Variants in ZNF25 observed in about 807,000 individuals in gnomAD.
ZNF25 encodes the protein zinc finger protein 25.
ZNF25 carries 21 observed loss-of-function variants against 30.9 expected under a neutral mutation model. That is an observed-to-expected ratio of 0.68 (90% CI 0.48 to 0.98). The LOEUF (loss-of-function observed/expected upper bound fraction) is 0.98, where lower values mean the gene tolerates loss of function less well. ZNF25 is among the 50% of genes least tolerant of loss of function. The pLI, the probability that ZNF25 is intolerant of heterozygous loss-of-function variation, is 0.00. For synonymous variants in ZNF25, 169 were observed against 181.3 expected (o/e 0.93, Z 0.55); for missense variants, 501 against 529.9 (o/e 0.95, Z 0.54).
chr10:37,957,488 A>C lies in ZNF25; in HGVS notation c.74T>G (p.Leu25Arg), dbSNP rs2062607068. 1 of 1,613,882 alleles carries C rather than the reference A, an allele frequency of 6.2e-7. No individual in the cohort carries two copies. Residue 25 changes from leucine to arginine, a missense_variant, in exon 3 of 6, where the codon CTG becomes CGG. Physicochemically the swap from Leu to Arg is moderately radical, Grantham distance 102. Coordinates refer to ENST00000302609, the MANE Select transcript of ZNF25 (RefSeq NM_145011.4). ...VEFTKEEWKL[L>R]TPAQRTLYKD... ...ATACAGAGTCCTCTGAGCAGGGGTC[A>C]GTAACTTCCATTCTTCCTTGGTGAA...
rs1011608058 is a variant in ZNF25 at position 37,952,035 on chromosome 10, T to C, written c.*92A>G. 6 of 1,226,766 alleles carry C rather than the reference T, an allele frequency of 4.9e-6. No individual in the cohort carries two copies. Among genetic ancestry groups the C allele is most frequent in the Admixed American group, 5.3e-5 (2 of 37,746 alleles). The allele number at this position is 1,226,766 out of a possible 1,614,324, so 76.0% of individuals were successfully genotyped here. A position where few individuals can be genotyped will look rare whatever the true frequency, so the allele number is the denominator to read the frequency against. On this transcript the variant is annotated 3_prime_UTR_variant, in exon 6 of 6. Coordinates refer to ENST00000302609, the MANE Select transcript of ZNF25 (RefSeq NM_145011.4). Reference sequence around the variant, plus strand: ...CAAAGATTGTAGCTGAAAATTTCCCTCTATTGATGCGATTCATAAGGTGTA... The same window carrying C: ...CAAAGATTGTAGCTGAAAATTTCCCCCTATTGATGCGATTCATAAGGTGTA...
At chr10:37,957,979 G>T (rs190860667) in intron 2 of ZNF25, among the ~76,000 whole-genome samples, 21 of 152,264 alleles carry the variant, frequency 1.4e-4, no homozygotes, top group African/African-American at 5.1e-4. Context: ...GAAGCAATGG[G>T]CTACACCACA....
intron 4 of ZNF25, among the ~76,000 whole-genome samples, chr10:37,955,243 G>A (rs1042420185): frequency 2.0e-5 from 3 of 152,144 alleles, no homozygotes; most frequent in Non-Finnish European, 4.4e-5. Flanking sequence ...GGAGAAATAA[G>A]TTGCATAGGC....
chr10:37,952,305 T>A lies in ZNF25; in HGVS notation c.1193A>T (p.Tyr398Phe), dbSNP rs758284706. 2.2e-5 allele frequency: 35 copies of A among 1,613,290 alleles called. 1 individual carries two copies. In the South Asian group the frequency reaches 3.0e-4, roughly 14 times the overall value. The change falls in exon 6 of 6, where the codon TAT becomes TTT. Residue 398 changes from tyrosine to phenylalanine, a missense_variant. Transcript: ENST00000302609. ...HQRTHTGEKP[Y>F]ACKECGKSFS... ...GGACTTCCCACATTCCTTGCATGCA[T>A]AGGGCTTCTCTCCTGTGTGAGTCCT...
At chr10:37,956,517 A>G (rs958299982) in intron 4 of ZNF25, among the ~76,000 whole-genome samples, 1 of 152,226 alleles carries the variant, frequency 6.6e-6, no homozygotes, top group Non-Finnish European at 1.5e-5. Flanking sequence ...CTAGCAAAGA[A>G]GAGAATTTAA....
intron 2 of ZNF25, among the ~76,000 whole-genome samples, chr10:37,970,584 T>G (rs1035212863): frequency 1.3e-5 from 2 of 152,202 alleles, no homozygotes; most frequent in African/African-American, 4.8e-5. Context: ...ATTCCTTTGA[T>G]TATGTAAAGG....
chr10:37,970,149 C>T (rs1189147290), intron 2 of ZNF25, among the ~76,000 whole-genome samples: 3 of 152,074 alleles, frequency 2.0e-5, no homozygotes, highest in Non-Finnish European at 4.4e-5. Flanking sequence ...ATCCCAACCC[C>T]TAAAATCTGA....
chr10:37,953,289 G>C, intron 5 of ZNF25, 94 bp from the exon 6 acceptor site: 4 of 1,184,262 alleles, frequency 3.4e-6, no homozygotes, highest in Middle Eastern at 2.8e-4. Flanking sequence ...GTACCTCTGA[G>C]GACCGATTTC....
chr10:37,967,465 A>C (rs2063249316), intron 2 of ZNF25, among the ~76,000 whole-genome samples: 1 of 151,318 alleles, frequency 6.6e-6, no homozygotes, highest in Non-Finnish European at 1.5e-5. Flanking sequence ...GCTGGAGTGC[A>C]ATGGTCCAGT....
rs2062608865 is a variant in ZNF25 at position 37,957,516 on chromosome 10, C to A, written c.46G>T (p.Glu16Ter). The A allele has an allele frequency of 6.2e-7, 1 of 1,613,678 alleles. No homozygotes were observed. Among genetic ancestry groups the A allele is most frequent in the Non-Finnish European group, 8.5e-7 (1 of 1,179,788 alleles). The change falls in exon 3 of 6, where the codon GAA becomes TAA. Residue 16 changes from glutamate to a stop codon, truncating the protein, a stop_gained. Transcript: ENST00000302609. LOFTEE classifies it high-confidence loss of function. ...AACTTCCATTCTTCCTTGGTGAATT[C>A]CACAATAACATCCTTTAATGTCACG... ...GPVTLKDVIV[E>*]FTKEEWKLLT...
chr10:37,965,479 T>C (rs1404764143), intron 2 of ZNF25, among the ~76,000 whole-genome samples: 5 of 152,232 alleles, frequency 3.3e-5, no homozygotes, highest in African/African-American at 7.2e-5. Flanking sequence ...CAAAAGGCAG[T>C]GTGATGACAC....
intron 2 of ZNF25, among the ~76,000 whole-genome samples, chr10:37,969,155 G>A (rs2063347901): frequency 6.6e-6 from 1 of 152,136 alleles, no homozygotes; most frequent in South Asian, 2.1e-4. Context: ...TGGAGAAACT[G>A]AAACCCTTGT....
intron 5 of ZNF25, 42 bp downstream of exon 5, chr10:37,953,653 G>T (rs775736766): frequency 6.3e-7 from 1 of 1,590,998 alleles, no homozygotes; most frequent in Admixed American, 1.7e-5. Flanking sequence ...TAAGACTCTT[G>T]CTTACAAATC....
chr10:37,973,709 A>T (rs1290681684), intron 1 of ZNF25, among the ~76,000 whole-genome samples: 2 of 152,170 alleles, frequency 1.3e-5, no homozygotes, highest in Admixed American at 1.3e-4. Flanking sequence ...TAGTACTAAA[A>T]GCAGTCTACA....
chr10:37,976,624 A>G lies in ZNF25; in HGVS notation c.-204T>C, dbSNP rs968068393. 1 of 152,392 alleles carries G rather than the reference A, an allele frequency of 6.6e-6. No homozygotes were observed. The highest frequency in any genetic ancestry group is 1.5e-5 in the Non-Finnish European group (1 of 68,204). 9.4% of individuals were successfully genotyped at this position (152,392 alleles called of 1,614,324 possible). A position where few individuals can be genotyped will look rare whatever the true frequency, so the allele number is the denominator to read the frequency against. ...CCCACCCTAGGGCGTAAGACCAAAA[A>G]AACGCCAATGCCAGAAAGAAGACAC... is the stretch of plus-strand genomic sequence containing the variant. On this transcript the variant is annotated 5_prime_UTR_variant, in exon 1 of 6. Transcript: ENST00000302609.
chr10:37,965,849 A>G (rs1223009508), intron 2 of ZNF25, among the ~76,000 whole-genome samples: 1 of 152,214 alleles, frequency 6.6e-6, no homozygotes, highest in Admixed American at 6.5e-5. Flanking sequence ...TGGTCATACA[A>G]CATGCAAAAA....
chr10:37,952,946 G>C lies in ZNF25; in HGVS notation c.552C>G (p.Tyr184Ter). The C allele has an allele frequency of 6.2e-7, 1 of 1,614,156 alleles. No individual in the cohort carries two copies. The highest frequency in any genetic ancestry group is 8.5e-7 in the Non-Finnish European group (1 of 1,180,024). ...YECKECKKIF[Y>*]HLSSLSRHLR... ...GATGTCTACTGAGAGATGATAGGTG[G>C]TAAAATATTTTCTTACATTCTTTAC... Residue 184 changes from tyrosine (Y) to a stop codon, truncating the protein, a stop_gained, in exon 6 of 6, where the codon TAC becomes TAG. Coordinates refer to ENST00000302609, the MANE Select transcript of ZNF25 (RefSeq NM_145011.4). LOFTEE classifies it high-confidence loss of function.
In ZNF25 at chr10:37,959,997, C is replaced by G. The variant is rs139296433; in HGVS notation, c.16-2451G>C. On this transcript the variant is annotated intron_variant, in intron 2 of 5. Coordinates refer to ENST00000302609, the MANE Select transcript of ZNF25 (RefSeq NM_145011.4). ...GGGCGCGATCTTAGCTCACTGCAAG[C>G]TCTGCCTCCCGGGTTCACACCATTC... 7.9e-3 allele frequency among the ~76,000 whole-genome samples: 1,196 copies of G among 152,096 alleles called. 11 individuals are homozygous for G. The highest frequency in any genetic ancestry group is 0.031 in the Middle Eastern group (9 of 294).
At chr10:37,971,659 AC>A (rs757721788) in intron 2 of ZNF25, 48 bp downstream of exon 2, 12 of 1,612,354 alleles carry the variant, frequency 7.4e-6, no homozygotes, top group Non-Finnish European at 9.3e-6. Flanking sequence ...ACACACACAC[AC>A]ACACACACAC....
Sources: allele counts gnomAD v4.1 joint callset (sites outside exome capture counted in the v4.1 genomes callset), GRCh38; gene constraint gnomAD v4.1.1; transcripts MANE v1.5; gene names NCBI Gene and HGNC (gene_info 2026-07-23, HGNC 2026-07-21).